Variants in AACS observed in about 807,000 individuals in gnomAD.
AACS encodes the protein acetoacetate-CoA ligase.
Under a neutral mutation model 83.1 loss-of-function variants are expected in AACS, and 69 were observed. The ratio of observed to expected loss-of-function variants is 0.83; its 90% CI spans 0.68 to 1.01. The LOEUF is 1.01. Ranked by LOEUF, AACS falls within the 50% of genes least tolerant of loss-of-function variation. The pLI is 0.00. For missense variants in AACS, 866 were observed against 882.2 expected (o/e 0.98, Z 0.23); for synonymous variants, 333 against 343.4 (o/e 0.97, Z 0.33).
At chr12:125,072,145 C>A (rs1160574743) in intron 1 of AACS, among the ~76,000 whole-genome samples, 1 of 149,304 alleles carries the variant, frequency 6.7e-6, no homozygotes, top group Non-Finnish European at 1.5e-5. Flanking sequence ...GCGTGAGCCA[C>A]CGCTCCTGGC....
Position 125,136,761 on chromosome 12 carries a change from A to T in AACS, c.1778A>T (p.His593Leu). 1 of 1,614,134 alleles carries T rather than the reference A, an allele frequency of 6.2e-7. No individual in the cohort carries two copies. Among genetic ancestry groups the T allele is most frequent in the African/African-American group, 1.3e-5 (1 of 75,038 alleles). ...CTCTTCCTGAAGATGGCCTCCGGGC[A>T]CGCCTTCCAGCCTGACTTGGTTAAG... ...VILFLKMASG[H>L]AFQPDLVKRI... The change falls in exon 17 of 18, where the codon CAC becomes CTC. Residue 593 changes from histidine to leucine, a missense_variant. His to Leu is a moderately conservative substitution (Grantham distance 99). Transcript: ENST00000316519.
At position 125,102,731 on chromosome 12, in the gene AACS, A is replaced by C; in HGVS notation, c.623A>C (p.Glu208Ala). The C allele has an allele frequency of 6.2e-7, 1 of 1,614,068 alleles. No homozygotes were observed. Among genetic ancestry groups the C allele is most frequent in the East Asian group, 2.2e-5 (1 of 44,878 alleles). Residue 208 changes from glutamate to alanine, a missense_variant, in exon 6 of 18, where the codon GAG (glutamate) becomes GCG (alanine). Coordinates refer to ENST00000316519, the MANE Select transcript of AACS (RefSeq NM_023928.5). ...CAGCCAAAGCTCATCTTCTCTGTGGAGGCTGTTGTCTATAATGGCAAAGAG... is the reference window on the plus strand; with the variant it reads ...CAGCCAAAGCTCATCTTCTCTGTGGCGGCTGTTGTCTATAATGGCAAAGAG... ...QIQPKLIFSV[E>A]AVVYNGKEHN...
At chr12:125,133,791 G>A (rs894533810) in intron 14 of AACS, among the ~76,000 whole-genome samples, 2 of 152,178 alleles carry the variant, frequency 1.3e-5, no homozygotes, top group Admixed American at 6.5e-5. Flanking sequence ...GTTCCTCCTC[G>A]CCGGCGGTGT....
Position 125,103,012 on chromosome 12 carries a change from T to A in AACS, c.698T>A (p.Leu233Ter). 1 of 1,613,806 alleles carries A rather than the reference T, an allele frequency of 6.2e-7. No homozygotes were observed. Among genetic ancestry groups the A allele is most frequent in the Non-Finnish European group, 8.5e-7 (1 of 1,179,954 alleles). ...TCGCTCCTTCCAGGCCTACCAGACT[T>A]GAAGAAAGTGGTGGTGATTCCTTAT... ...LQQVVKGLPDLKKVVVIPYVS... is the reference protein window; with the variant it reads ...LQQVVKGLPD Residue 233 changes from leucine to a stop codon, truncating the protein, a stop_gained, in exon 7 of 18, where the codon TTG becomes TAG. Transcript: ENST00000316519. LOFTEE classifies it high-confidence loss of function.
intron 9 of AACS, among the ~76,000 whole-genome samples, chr12:125,115,975 A>T (rs374068468): frequency 4.3e-4 from 65 of 152,276 alleles, no homozygotes; most frequent in African/African-American, 1.5e-3. Context: ...TTGATGTGTG[A>T]CTGTGGAGAG....
At chr12:125,142,058 T>C (rs1272357004) in intron 17 of AACS, 34 bp from the exon 18 acceptor site, 2 of 1,612,818 alleles carry the variant, frequency 1.2e-6, no homozygotes, top group South Asian at 2.2e-5. Flanking sequence ...CCTTCAGGTT[T>C]AAATGTTCCT....
At chr12:125,071,250 G>GA (rs939507864) in intron 1 of AACS, among the ~76,000 whole-genome samples, 1 of 152,138 alleles carries the variant, frequency 6.6e-6, no homozygotes, top group African/African-American at 2.4e-5. Flanking sequence ...TGGCTGCAGT[G>GA]ACCGTTACAA....
chr12:125,095,217 C>G (rs1002823573), intron 5 of AACS, among the ~76,000 whole-genome samples: 6 of 152,172 alleles, frequency 3.9e-5, no homozygotes, highest in Admixed American at 2.0e-4. Flanking sequence ...CCAGGACAGG[C>G]TGACAGCTGG....
At chr12:125,079,005 A>G (rs1956100530) in intron 3 of AACS, among the ~76,000 whole-genome samples, 1 of 152,054 alleles carries the variant, frequency 6.6e-6, no homozygotes, top group African/African-American at 2.4e-5. Flanking sequence ...GGGCTGTTTT[A>G]GACAGGGCTG....
chr12:125,108,863 CTTT>C (rs60511961), intron 8 of AACS, among the ~76,000 whole-genome samples: 8 of 126,408 alleles, frequency 6.3e-5, no homozygotes, highest in Non-Finnish European at 9.9e-5. Flanking sequence ...ATTTTTGTGG[CTTT>C]TTTTTTTTTT....
Position 125,142,222 on chromosome 12 carries a change from G to C in AACS, c.2012G>C (p.Gly671Ala). ...DLYRDIPELQ[G>A]F ...TACCGGGACATCCCTGAGCTGCAGG[G>C]CTTCTGAGTCAGACTGGCTGGCGTG... Residue 671 changes from glycine to alanine, a missense_variant, in exon 18 of 18, where the codon GGC (glycine) becomes GCC (alanine). Transcript: ENST00000316519. The C allele has an allele frequency of 6.2e-7, 1 of 1,613,930 alleles. No homozygotes were observed.
Position 125,129,493 on chromosome 12 carries a change from GC to G in AACS, c.1549+35del, listed in dbSNP as rs1372054095. 6.2e-7 allele frequency: 1 copy of G among 1,605,884 alleles called. No individual in the cohort carries two copies. The highest frequency in any genetic ancestry group is 8.5e-7 in the Non-Finnish European group (1 of 1,176,118). ...GGAGAGATGCAGACAGAGCTGGCCA[GC>G]CTCTGCCTTGGCTGGGCCTTCTGTG... is the stretch of plus-strand genomic sequence containing the variant. On this transcript the variant is annotated intron_variant, in intron 14 of 17. Transcript: ENST00000316519. The surrounding 1 kb of genome is among the most constrained non-coding windows in gnomAD (Gnocchi z 4.3).
At chr12:125,084,110 C>T (rs1214489454) in intron 3 of AACS, among the ~76,000 whole-genome samples, 2 of 151,918 alleles carry the variant, frequency 1.3e-5, no homozygotes, top group African/African-American at 4.8e-5. Context: ...ACTGGATCAC[C>T]TGAGGTCAGG....
chr12:125,141,808 G>A (rs1004573070), intron 17 of AACS: 8 of 363,808 alleles, frequency 2.2e-5, no homozygotes, highest in Non-Finnish European at 1.5e-5. Flanking sequence ...CAGGGGGCGG[G>A]GGTGGGGTGT....
Position 125,102,708 on chromosome 12 carries a change from G to A in AACS, c.600G>A (p.Gln200=). 1 of 1,614,060 alleles carries A rather than the reference G, an allele frequency of 6.2e-7. No homozygotes were observed. Among genetic ancestry groups the A allele is most frequent in the Non-Finnish European group, 8.5e-7 (1 of 1,179,978 alleles). ...NGVLDRFSQI[Q]PKLIFSVEAV... is the part of the protein sequence containing the mutation. ...TGCTGGACCGGTTTTCTCAAATTCA[G>A]CCAAAGCTCATCTTCTCTGTGGAGG... The change falls in exon 6 of 18, where the codon CAG becomes CAA. Residue 200 remains glutamine (Q), a synonymous_variant. Coordinates refer to ENST00000316519, the MANE Select transcript of AACS (RefSeq NM_023928.5).
intron 6 of AACS, 27 bp from the exon 7 acceptor site, chr12:125,102,973 T>C: frequency 6.3e-7 from 1 of 1,590,602 alleles, no homozygotes; most frequent in East Asian, 2.2e-5. Flanking sequence ...CCTGTAACCT[T>C]GTGTTTTCTC....
rs573047064 is a variant in AACS at position 125,086,777 on chromosome 12, G to T, written c.472+334G>T. Among the ~76,000 whole-genome samples the T allele has an allele frequency of 1.2e-4, 18 of 151,016 alleles. No homozygotes were observed. The East Asian group carries it at 3.5e-3, about 29-fold the overall frequency. On this transcript the variant is annotated intron_variant, in intron 4 of 17. Transcript: ENST00000316519. ...ATGGGCTTGCTGGAGGGATGAAGGC[G>T]CATTCAGTATGGGCTTGCTGGAGGG...
chr12:125,106,207 C>G (rs1251693171), intron 7 of AACS, among the ~76,000 whole-genome samples: 1 of 152,216 alleles, frequency 6.6e-6, no homozygotes, highest in East Asian at 1.9e-4. Flanking sequence ...GTCCATTTGT[C>G]AGTTGAGTAT....
At chr12:125,075,867 C>T (rs1207041960) in intron 2 of AACS, among the ~76,000 whole-genome samples, 2 of 152,204 alleles carry the variant, frequency 1.3e-5, no homozygotes, top group Non-Finnish European at 1.5e-5. Context: ...GCTGGGATTA[C>T]AGGCGTGAGC....
Sources: allele counts gnomAD v4.1 joint callset (sites outside exome capture counted in the v4.1 genomes callset), GRCh38; gene constraint gnomAD v4.1.1; non-coding constraint Gnocchi (gnomAD v3.1); transcripts MANE v1.5; gene names NCBI Gene and HGNC (gene_info 2026-07-23, HGNC 2026-07-21).